The following CAPSL variants were observed in gnomAD, a reference collection of about 807,000 sequenced individuals.
CAPSL encodes calcyphosin-like protein.
CAPSL carries 17 observed loss-of-function variants against 21.3 expected under a neutral mutation model. The observed-to-expected ratio is 0.80, with a 90% CI of 0.55 to 1.20. CAPSL has a LOEUF of 1.20. Among genes scored for constraint, CAPSL ranks in the 50% most tolerant of loss-of-function variants. The pLI, the probability that CAPSL is intolerant of heterozygous loss-of-function variation, is 0.00. For missense variants in CAPSL, 289 were observed against 259.3 expected, an observed-to-expected ratio of 1.11 and a Z score of -0.79; for synonymous variants, 102 against 89.3, an observed-to-expected ratio of 1.14 and a Z score of -0.80.
intron 2 of CAPSL, among the ~76,000 whole-genome samples, chr5:35,914,825 C>G: frequency 6.6e-6 from 1 of 152,112 alleles, no homozygotes; most frequent in South Asian, 2.1e-4. Context: ...CAAACATATT[C>G]AAAAGCTAGC....
rs999995767 is a variant in CAPSL, at chr5:35,904,311, T to A, written c.*234A>T. ...ACTAGGAGCTTTACAGAGCTCATTT[T>A]ATTTAAGTCCTATTTTAGAACAAAG... is the stretch of plus-strand genomic sequence containing the variant. On this transcript the variant is annotated 3_prime_UTR_variant, in exon 5 of 5. Transcript: ENST00000651391. 3.3e-5 allele frequency: 18 copies of A among 552,156 alleles called. No homozygotes were observed. Among genetic ancestry groups the A allele is most frequent in the Non-Finnish European group, 5.8e-5 (18 of 310,650 alleles). The allele number at this position is 552,156 out of a possible 1,614,324, so 34.2% of individuals were successfully genotyped here. A position where few individuals can be genotyped will look rare whatever the true frequency, so the allele number is the denominator to read the frequency against.
intron 2 of CAPSL, among the ~76,000 whole-genome samples, chr5:35,912,274 A>G (rs1738246383): frequency 2.0e-5 from 3 of 152,144 alleles, no homozygotes; most frequent in African/African-American, 7.2e-5. Flanking sequence ...TGTAGACTCC[A>G]CCTCTGGGGG....
At chr5:35,924,240 C>G (rs1738610211) in intron 1 of CAPSL, among the ~76,000 whole-genome samples, 2 of 152,218 alleles carry the variant, frequency 1.3e-5, no homozygotes, top group Admixed American at 6.5e-5. Context: ...TGAAGATTCT[C>G]TAGTGCAACC....
At chr5:35,924,579 C>CGAGAGA (rs1208299851) in intron 1 of CAPSL, among the ~76,000 whole-genome samples, 1 of 152,158 alleles carries the variant, frequency 6.6e-6, no homozygotes, top group African/African-American at 2.4e-5. Flanking sequence ...TCCATTCTCT[C>CGAGAGA]CTGCTAGCCT....
intron 4 of CAPSL, among the ~76,000 whole-genome samples, chr5:35,906,094 C>T (rs1760670451): frequency 6.6e-6 from 1 of 152,106 alleles, no homozygotes; most frequent in Non-Finnish European, 1.5e-5. Flanking sequence ...AAAGAGTTAC[C>T]CACGAGACCC....
intron 4 of CAPSL, among the ~76,000 whole-genome samples, chr5:35,908,298 G>A (rs1240671137): frequency 6.6e-6 from 1 of 152,190 alleles, no homozygotes; most frequent in African/African-American, 2.4e-5. Context: ...CCCTGATGAT[G>A]ATTATGAACA....
chr5:35,931,368 C>G (rs1271442362), intron 1 of CAPSL, among the ~76,000 whole-genome samples: 1 of 151,334 alleles, frequency 6.6e-6, no homozygotes, highest in Non-Finnish European at 1.5e-5. Context: ...GCACTTTTGA[C>G]TATGAAAGAG....
chr5:35,916,196 G>A (rs1042184406), intron 2 of CAPSL, among the ~76,000 whole-genome samples: 29 of 151,656 alleles, frequency 1.9e-4, no homozygotes, highest in African/African-American at 6.8e-4. Flanking sequence ...ACAAACCACT[G>A]CTCAAGGAAA....
intron 2 of CAPSL, among the ~76,000 whole-genome samples, chr5:35,914,772 T>C (rs1738327578): frequency 6.6e-6 from 1 of 152,134 alleles, no homozygotes; most frequent in Admixed American, 6.5e-5. Flanking sequence ...GATCTAAAAT[T>C]GACACCCTAA....
chr5:35,914,246 A>T (rs1738310653), intron 2 of CAPSL, among the ~76,000 whole-genome samples: 1 of 152,206 alleles, frequency 6.6e-6, no homozygotes, highest in South Asian at 2.1e-4. Flanking sequence ...TTAGACTCCC[A>T]CACAATAATA....
intron 1 of CAPSL, among the ~76,000 whole-genome samples, chr5:35,930,892 G>A (rs1738804028): frequency 6.6e-6 from 1 of 152,122 alleles, no homozygotes; most frequent in Admixed American, 6.5e-5. Flanking sequence ...GAGAGCTCTG[G>A]AATATCTCTC....
Position 35,913,152 on chromosome 5 carries a change from T to G in CAPSL, c.138-2609A>C, listed in dbSNP as rs563339361. Among the ~76,000 whole-genome samples the G allele has an allele frequency of 3.3e-5, 5 of 152,080 alleles. No homozygotes were observed. In the South Asian group the frequency reaches 6.3e-4, roughly 19 times the overall value. ...ATGAAATGAAGTGAGAAGAGAAGTT[T>G]AGAGATAAAAGAACAAAAAGAAATG... On this transcript the variant is annotated intron_variant, in intron 2 of 4. Coordinates refer to ENST00000651391, the MANE Select transcript of CAPSL (RefSeq NM_001042625.2).
chr5:35,919,873 G>A (rs1442114403), intron 2 of CAPSL, among the ~76,000 whole-genome samples: 1 of 152,212 alleles, frequency 6.6e-6, no homozygotes, highest in Non-Finnish European at 1.5e-5. Flanking sequence ...GGTATGGGGT[G>A]AAGATGGCAC....
chr5:35,910,088 A>T lies in CAPSL; in HGVS notation c.316-13T>A, dbSNP rs1738174647. 6.3e-7 allele frequency: 1 copy of T among 1,587,458 alleles called. No homozygotes were observed. On this transcript the variant is annotated splice_polypyrimidine_tract_variant and intron_variant, in intron 3 of 4. Coordinates refer to ENST00000651391, the MANE Select transcript of CAPSL (RefSeq NM_001042625.2). ...TGGACATTGGAGGCTACAAAAATAG[A>T]AGAATACATACAGAGACATACATAA...
At chr5:35,912,958 G>GA (rs200072861) in intron 2 of CAPSL, among the ~76,000 whole-genome samples, 23 of 151,398 alleles carry the variant, frequency 1.5e-4, no homozygotes, top group Non-Finnish European at 2.7e-4. Flanking sequence ...TAAAAACCTT[G>GA]AAAAAAAAAT....
intron 1 of CAPSL, among the ~76,000 whole-genome samples, chr5:35,935,362 T>G (rs2149935618): frequency 6.6e-6 from 1 of 151,542 alleles, no homozygotes; most frequent in South Asian, 2.1e-4. Flanking sequence ...AGACAGGGTC[T>G]CACTCTGTTG....
chr5:35,913,994 C>T (rs1163422772), intron 2 of CAPSL, among the ~76,000 whole-genome samples: 6 of 151,714 alleles, frequency 4.0e-5, no homozygotes, highest in Non-Finnish European at 8.8e-5. Flanking sequence ...CACAGGCTCA[C>T]AATAAAGGGA....
intron 2 of CAPSL, among the ~76,000 whole-genome samples, chr5:35,920,230 T>G (rs1238231135): frequency 6.6e-6 from 1 of 152,160 alleles, no homozygotes; most frequent in Admixed American, 6.5e-5. Flanking sequence ...ACTTCTCTAA[T>G]AAACAACTTC....
At chr5:35,933,327 T>G (rs190112410) in intron 1 of CAPSL, among the ~76,000 whole-genome samples, 1 of 152,166 alleles carries the variant, frequency 6.6e-6, no homozygotes, top group Non-Finnish European at 1.5e-5. Flanking sequence ...TTCTTATAGG[T>G]TACAGACATA....
Sources: allele counts gnomAD v4.1 joint callset (sites outside exome capture counted in the v4.1 genomes callset), GRCh38; gene constraint gnomAD v4.1.1; transcripts MANE v1.5; gene names NCBI Gene and HGNC (gene_info 2026-07-23, HGNC 2026-07-21).